The following PITPNC1 variants were observed in gnomAD, a reference collection of about 807,000 sequenced individuals.
PITPNC1 encodes phosphatidylinositol transfer protein cytoplasmic 1, also known as cytoplasmic phosphatidylinositol transfer protein 1.
A neutral mutation model predicts 44.7 loss-of-function variants in PITPNC1; 18 were observed. The observed-to-expected ratio is 0.40, with a 90% CI of 0.28 to 0.60. The LOEUF (loss-of-function observed/expected upper bound fraction) is 0.60. Among genes scored for constraint, PITPNC1 ranks in the 20% least tolerant of loss-of-function variants. PITPNC1 has a pLI of 0.39. For synonymous variants in PITPNC1, 141 were observed against 149.6 expected, an observed-to-expected ratio of 0.94 and a Z score of 0.42; for missense variants, 290 against 418.4, an observed-to-expected ratio of 0.69 and a Z score of 2.68.
intron 5 of PITPNC1, among the ~76,000 whole-genome samples, chr17:67,617,791 C>T (rs922600575): frequency 2.0e-5 from 3 of 152,230 alleles, no homozygotes; most frequent in East Asian, 3.9e-4. Context: ...GTGCCTTAAT[C>T]GTATCTGTGT....
chr17:67,449,928 G>T (rs550471242), intron 1 of PITPNC1, among the ~76,000 whole-genome samples: 1 of 152,136 alleles, frequency 6.6e-6, no homozygotes, highest in African/African-American at 2.4e-5. Context: ...GGCCTCAAGC[G>T]ATCCTTCTGC....
intron 1 of PITPNC1, among the ~76,000 whole-genome samples, chr17:67,473,244 A>G (rs2039572880): frequency 6.6e-6 from 1 of 151,956 alleles, no homozygotes; most frequent in Admixed American, 6.6e-5. Context: ...TATGTTGCCC[A>G]TGCTGGTCTT....
intron 2 of PITPNC1, among the ~76,000 whole-genome samples, chr17:67,549,586 A>G (rs2040730696): frequency 2.6e-5 from 4 of 152,186 alleles, no homozygotes; most frequent in Admixed American, 2.6e-4. Flanking sequence ...AAAATTGCCA[A>G]TAATTTTCAC....
intron 5 of PITPNC1, among the ~76,000 whole-genome samples, chr17:67,592,358 C>T (rs2041403892): frequency 6.6e-6 from 1 of 152,056 alleles, no homozygotes; most frequent in South Asian, 2.1e-4. Context: ...CTAACAAAGA[C>T]CTGAACAAAT....
chr17:67,494,205 CTTTCTTTCTTTT>C (rs1386501131), intron 1 of PITPNC1, among the ~76,000 whole-genome samples: 20 of 146,568 alleles, frequency 1.4e-4, no homozygotes, highest in Middle Eastern at 3.5e-3. Flanking sequence ...TTCTTTCTTT[CTTTCTTTCTTTT>C]TGAGACGTAG....
At chr17:67,416,137 G>A (rs2038584574) in intron 1 of PITPNC1, among the ~76,000 whole-genome samples, 1 of 150,066 alleles carries the variant, frequency 6.7e-6, no homozygotes, top group Admixed American at 6.6e-5. Context: ...CTTAATTTTG[G>A]ACATAAGACT....
intron 1 of PITPNC1, among the ~76,000 whole-genome samples, chr17:67,418,254 A>T (rs1209747610): frequency 6.6e-6 from 1 of 152,132 alleles, no homozygotes; most frequent in Non-Finnish European, 1.5e-5. Flanking sequence ...TTGGAGACCA[A>T]ATTTCTAACT....
At chr17:67,647,483 T>G (rs1183561325) in intron 6 of PITPNC1, among the ~76,000 whole-genome samples, 7 of 136,016 alleles carry the variant, frequency 5.1e-5, no homozygotes, top group East Asian at 2.1e-4. Flanking sequence ...TTTTTTTTTT[T>G]TTTTTTTTTT....
chr17:67,578,147 A>G, intron 4 of PITPNC1, 39 bp from the exon 5 acceptor site: 1 of 1,399,518 alleles, frequency 7.1e-7, no homozygotes, highest in Non-Finnish European at 1.0e-6. Context: ...GAAGAGAGAA[A>G]AAATGTTATG....
At chr17:67,407,348 T>TG (rs1440540074) in intron 1 of PITPNC1, among the ~76,000 whole-genome samples, 1 of 152,200 alleles carries the variant, frequency 6.6e-6, no homozygotes, top group Non-Finnish European at 1.5e-5. Context: ...AGTTTTCAGT[T>TG]GGGTTACATG....
intron 7 of PITPNC1, 115 bp from the exon 8 acceptor site, chr17:67,675,364 C>CAG: frequency 1.3e-6 from 1 of 771,958 alleles, no homozygotes; most frequent in South Asian, 1.5e-5. Flanking sequence ...CACCTATGGA[C>CAG]AGAGGGATTA....
At chr17:67,661,249 A>G (rs1195450693) in intron 6 of PITPNC1, among the ~76,000 whole-genome samples, 2 of 151,980 alleles carry the variant, frequency 1.3e-5, no homozygotes, top group African/African-American at 4.8e-5. Context: ...ACCTGGCAAA[A>G]TTAATAGAGA....
chr17:67,585,502 G>T (rs2041302017), intron 5 of PITPNC1, among the ~76,000 whole-genome samples: 1 of 152,080 alleles, frequency 6.6e-6, no homozygotes, highest in Non-Finnish European at 1.5e-5. Context: ...AGAACACTTG[G>T]GCACATAAAG....
chr17:67,622,058 A>G (rs2041836413), intron 5 of PITPNC1, among the ~76,000 whole-genome samples: 1 of 152,148 alleles, frequency 6.6e-6, no homozygotes, highest in Admixed American at 6.5e-5. Context: ...TCACGAGGTC[A>G]GGAGATCGAG....
At chr17:67,379,238 A>G (rs2037921054) in intron 1 of PITPNC1, 2 of 985,632 alleles carry the variant, frequency 2.0e-6, no homozygotes. Flanking sequence ...CCGTCTTTAT[A>G]TTTAAATCTG....
intron 4 of PITPNC1, 176 bp from the exon 5 acceptor site, chr17:67,578,010 A>C (rs2144230743): frequency 1.5e-6 from 1 of 658,866 alleles, no homozygotes; most frequent in Non-Finnish European, 2.8e-6. Flanking sequence ...AACTGTGTTC[A>C]TTGTCCTAAA....
intron 1 of PITPNC1, among the ~76,000 whole-genome samples, chr17:67,385,277 T>G (rs2038025130): frequency 6.6e-6 from 1 of 152,280 alleles, no homozygotes; most frequent in Non-Finnish European, 1.5e-5. Flanking sequence ...GCTAGCGGTT[T>G]CTAAAATGCG....
chr17:67,640,293 G>A (rs1041742024), intron 6 of PITPNC1, among the ~76,000 whole-genome samples: 11 of 152,160 alleles, frequency 7.2e-5, no homozygotes, highest in African/African-American at 1.2e-4. Context: ...GCCTGCAAAG[G>A]AGACACAAGA....
intron 4 of PITPNC1, among the ~76,000 whole-genome samples, chr17:67,559,686 A>G (rs2040881986): frequency 6.6e-6 from 1 of 152,172 alleles, no homozygotes; most frequent in South Asian, 2.1e-4. Context: ...CAGGAGTTTG[A>G]GACCAGCCTG....
Sources: gnomAD v4.1 joint callset for allele counts (sites outside exome capture counted in the v4.1 genomes callset) on GRCh38, gnomAD v4.1.1 for gene constraint, MANE v1.5 for transcripts, NCBI Gene and HGNC (gene_info 2026-07-23, HGNC 2026-07-21) for gene names.